COLEC10: variants seen among roughly 807,000 people sequenced by gnomAD.
COLEC10 encodes the protein collectin-10.
A neutral mutation model predicts 28.4 loss-of-function variants in COLEC10; 22 were observed. That is an observed-to-expected ratio of 0.78 (90% CI 0.55 to 1.11). COLEC10 has a LOEUF of 1.11. Ranked by LOEUF, COLEC10 falls within the 50% of genes least tolerant of loss-of-function variation. The probability of loss-of-function intolerance (pLI) is 0.00; values close to 1 mark genes in which losing one functional copy is unlikely to be tolerated. For missense variants in COLEC10, 361 were observed against 344.1 expected, an observed-to-expected ratio of 1.05 and a Z score of -0.39; for synonymous variants, 125 against 116.1, an observed-to-expected ratio of 1.08 and a Z score of -0.49.
At chr8:118,960,712 G>T in the COLEC10 span, among the ~76,000 whole-genome samples, 2 of 151,458 alleles carry the variant, frequency 1.3e-5, no homozygotes, top group African/African-American at 4.9e-5. Context: ...TTGAACCGGT[G>T]GGGGGTGGAG....
intron 2 of COLEC10, among the ~76,000 whole-genome samples, chr8:119,058,778 T>TG (rs1814804734): frequency 4.6e-5 from 7 of 152,208 alleles, no homozygotes; most frequent in Non-Finnish European, 8.8e-5. Flanking sequence ...CAAGTAGATA[T>TG]CTAGGAATTT....
the COLEC10 span, among the ~76,000 whole-genome samples, chr8:118,953,891 A>G: frequency 1.1e-4 from 17 of 152,220 alleles, no homozygotes; most frequent in African/African-American, 4.1e-4. Flanking sequence ...TGTTATTCCT[A>G]TAATGAGGAT....
the COLEC10 span, among the ~76,000 whole-genome samples, chr8:118,958,516 C>A: frequency 6.6e-6 from 1 of 152,190 alleles, no homozygotes; most frequent in African/African-American, 2.4e-5. Flanking sequence ...GGCAGGAATG[C>A]CTCCTCGGCA....
intron 2 of COLEC10, 27 bp downstream of exon 2, chr8:119,089,778 T>C (rs1347870839): frequency 6.3e-7 from 1 of 1,580,904 alleles, no homozygotes; most frequent in Non-Finnish European, 8.7e-7. Flanking sequence ...GAAACTGACA[T>C]TTTAATATCA....
chr8:119,006,370 G>C (rs58732819), intron 1 of COLEC10, among the ~76,000 whole-genome samples: 4,413 of 152,034 alleles, frequency 0.029, 123 homozygotes, highest in East Asian at 0.16. Flanking sequence ...ACCTTGTTTT[G>C]TCTTACTTTC....
At chr8:118,974,262 C>T in the COLEC10 span, among the ~76,000 whole-genome samples, 1 of 148,804 alleles carries the variant, frequency 6.7e-6, no homozygotes, top group Non-Finnish European at 1.5e-5. Context: ...AAACCTGGAG[C>T]AAAGACTATT....
In COLEC10 at chr8:119,107,969, T is replaced by G. The variant is rs1232682568; in HGVS notation, c.*1778T>G. 3.9e-5 allele frequency among the ~76,000 whole-genome samples: 6 copies of G among 152,194 alleles called. No homozygotes were observed. Among genetic ancestry groups the G allele is most frequent in the Admixed American group, 3.9e-4 (6 of 15,266 alleles). The stretch of plus-strand genomic sequence containing the variant: ...CTAGCTAAAGTTGTGATCATTTCAT[T>G]TCTTACTTCTGGAGGAAGGTTCAGA... On this transcript the variant is annotated 3_prime_UTR_variant, in exon 6 of 6. Coordinates refer to ENST00000332843, the MANE Select transcript of COLEC10 (RefSeq NM_006438.5).
intron 1 of COLEC10, among the ~76,000 whole-genome samples, chr8:119,077,797 T>A (rs1428553883): frequency 6.6e-6 from 1 of 152,222 alleles, no homozygotes; most frequent in African/African-American, 2.4e-5. Flanking sequence ...GGCTTCCACA[T>A]AAATAATAAC....
intron 1 of COLEC10, among the ~76,000 whole-genome samples, chr8:119,074,352 G>C (rs1384717661): frequency 6.6e-6 from 1 of 152,024 alleles, no homozygotes; most frequent in Non-Finnish European, 1.5e-5. Context: ...TGATGTCATT[G>C]TTACACATTG....
chr8:118,958,262 G>C, the COLEC10 span, among the ~76,000 whole-genome samples: 6 of 152,188 alleles, frequency 3.9e-5, no homozygotes, highest in African/African-American at 9.7e-5. Context: ...TGAGAATTAG[G>C]GGGGCGAGAG....
the COLEC10 span, among the ~76,000 whole-genome samples, chr8:118,983,139 C>T: frequency 6.6e-6 from 1 of 152,124 alleles, no homozygotes; most frequent in Admixed American, 6.6e-5. Context: ...TTTGGTGTTC[C>T]ACAGAATTAG....
At chr8:119,102,211 CCT>C in intron 3 of COLEC10, 135 bp from the exon 4 acceptor site, 2 of 2,302 alleles carry the variant, frequency 8.7e-4, no homozygotes, top group Non-Finnish European at 1.3e-3. Context: ...TTCACTCCTT[CCT>C]CCCTCCCTCC....
intron 2 of COLEC10, among the ~76,000 whole-genome samples, chr8:119,019,730 G>A (rs1451013321): frequency 2.0e-5 from 3 of 151,978 alleles, no homozygotes; most frequent in Non-Finnish European, 4.4e-5. Context: ...CCCTTCTCAC[G>A]ACAGTGTCAA....
At chr8:118,996,483 A>G (rs1009468065) in intron 1 of COLEC10, among the ~76,000 whole-genome samples, 1 of 152,178 alleles carries the variant, frequency 6.6e-6, no homozygotes, top group African/African-American at 2.4e-5. Flanking sequence ...CACCAACAGT[A>G]TATAAGAGTT....
intron 2 of COLEC10, among the ~76,000 whole-genome samples, chr8:119,032,402 G>A (rs1814304612): frequency 6.6e-6 from 1 of 152,130 alleles, no homozygotes; most frequent in Non-Finnish European, 1.5e-5. Flanking sequence ...GTACTGAGAG[G>A]ACAGTCACAT....
At chr8:119,015,820 A>G (rs1454293742) in intron 2 of COLEC10, among the ~76,000 whole-genome samples, 1 of 152,172 alleles carries the variant, frequency 6.6e-6, no homozygotes, top group African/African-American at 2.4e-5. Context: ...GTTAGGACAG[A>G]GTGGTGACTT....
chr8:118,979,936 T>G, the COLEC10 span, among the ~76,000 whole-genome samples: 1 of 152,172 alleles, frequency 6.6e-6, no homozygotes, highest in East Asian at 1.9e-4. Flanking sequence ...GTTGTTGGAC[T>G]GATGGTCTCA....
chr8:119,092,032 A>G (rs1815614579), intron 3 of COLEC10, among the ~76,000 whole-genome samples: 1 of 151,138 alleles, frequency 6.6e-6, no homozygotes, highest in African/African-American at 2.4e-5. Flanking sequence ...TGGAGCATAT[A>G]TGTGGATACC....
intron 2 of COLEC10, among the ~76,000 whole-genome samples, chr8:119,026,945 G>C (rs115180351): frequency 0.017 from 2,554 of 152,262 alleles, 30 homozygotes; most frequent in Middle Eastern, 0.031. Flanking sequence ...CTGATTGCTG[G>C]GGGCTGAAGG....
Sources: gnomAD v4.1 joint callset for allele counts (sites outside exome capture counted in the v4.1 genomes callset) on GRCh38, gnomAD v4.1.1 for gene constraint, MANE v1.5 for transcripts, NCBI Gene and HGNC (gene_info 2026-07-23, HGNC 2026-07-21) for gene names.